Variants in ZCWPW2 observed in about 807,000 individuals in gnomAD.
ZCWPW2 encodes the protein zinc finger CW-type and PWWP domain containing 2.
Under a neutral mutation model 46.6 loss-of-function variants are expected in ZCWPW2, and 45 were observed. That is an observed-to-expected ratio of 0.96 (90% CI 0.76 to 1.24). ZCWPW2 has a LOEUF of 1.24. ZCWPW2 is among the 50% of genes most tolerant of loss of function. The probability of loss-of-function intolerance (pLI) is 0.00; values close to 1 mark genes in which losing one functional copy is unlikely to be tolerated. For synonymous variants in ZCWPW2, 152 were observed against 137.1 expected, an observed-to-expected ratio of 1.11 and a Z score of -0.76; for missense variants, 429 against 403.9, an observed-to-expected ratio of 1.06 and a Z score of -0.53.
intron 4 of ZCWPW2, among the ~76,000 whole-genome samples, chr3:28,472,934 A>G (rs966726591): frequency 8.5e-5 from 13 of 152,196 alleles, no homozygotes; most frequent in Admixed American, 1.3e-4. Flanking sequence ...TTGAATAGAC[A>G]TTTCTCAAAA....
chr3:28,371,123 C>T (rs1000114026), intron 1 of ZCWPW2, among the ~76,000 whole-genome samples: 2 of 151,972 alleles, frequency 1.3e-5, no homozygotes, highest in East Asian at 1.9e-4. Context: ...TTAAATTTAT[C>T]GTAGTATTGA....
chr3:28,454,399 T>G (rs1444676397), intron 4 of ZCWPW2, among the ~76,000 whole-genome samples: 2 of 152,212 alleles, frequency 1.3e-5, no homozygotes, highest in Non-Finnish European at 2.9e-5. Context: ...GATTTCCTCC[T>G]TTGTTATCTT....
intron 4 of ZCWPW2, among the ~76,000 whole-genome samples, chr3:28,467,787 A>G (rs1698882591): frequency 6.6e-6 from 1 of 152,230 alleles, no homozygotes; most frequent in South Asian, 2.1e-4. Flanking sequence ...TCACTAATGC[A>G]GATACAGCTT....
chr3:28,516,540 G>A (rs963847568), intron 8 of ZCWPW2, among the ~76,000 whole-genome samples: 1 of 152,092 alleles, frequency 6.6e-6, no homozygotes, highest in African/African-American at 2.4e-5. Context: ...CTTTAGTCTT[G>A]AAAAGCAGTG....
intron 4 of ZCWPW2, among the ~76,000 whole-genome samples, chr3:28,475,339 TA>T (rs1295006140): frequency 6.6e-6 from 1 of 152,222 alleles, no homozygotes; most frequent in Non-Finnish European, 1.5e-5. Flanking sequence ...TAACACTTTT[TA>T]CTACAGTAAC....
chr3:28,386,842 G>T (rs934438230), intron 1 of ZCWPW2, among the ~76,000 whole-genome samples: 1 of 151,992 alleles, frequency 6.6e-6, no homozygotes, highest in Non-Finnish European at 1.5e-5. Flanking sequence ...TTGTGATTGG[G>T]TGATCAACTG....
intron 4 of ZCWPW2, among the ~76,000 whole-genome samples, chr3:28,475,692 A>T (rs1699213378): frequency 6.6e-6 from 1 of 152,082 alleles, no homozygotes; most frequent in African/African-American, 2.4e-5. Context: ...TTTAATATAC[A>T]TGTACTCTCC....
At chr3:28,361,955 A>T (rs1327656695) in intron 1 of ZCWPW2, among the ~76,000 whole-genome samples, 1 of 152,130 alleles carries the variant, frequency 6.6e-6, no homozygotes, top group African/African-American at 2.4e-5. Context: ...GCTGTGGAAA[A>T]TGTTATAGAG....
rs1696395198 is a variant in ZCWPW2 at position 28,411,445 on chromosome 3, C to CTCTTTAAATTA, written c.-13-1611_-13-1610insTCTTTAAATTA. On this transcript the variant is annotated intron_variant, in intron 2 of 9. Coordinates refer to ENST00000383768, the MANE Select transcript of ZCWPW2 (RefSeq NM_001040432.4). ...CCGTACTCCCAACATAACAAACATT[C>CTCTTTAAATTA]GAAGCATTCTCTTTAAAATTAGAAA... Among the ~76,000 whole-genome samples the CTCTTTAAATTA allele has an allele frequency of 6.6e-5, 10 of 151,636 alleles. No individual in the cohort carries two copies. In the South Asian group the frequency reaches 2.1e-3, roughly 32 times the overall value.
intron 1 of ZCWPW2, among the ~76,000 whole-genome samples, chr3:28,355,704 C>T (rs1407731969): frequency 2.0e-5 from 3 of 152,230 alleles, no homozygotes; most frequent in Non-Finnish European, 4.4e-5. Flanking sequence ...CACACATCTA[C>T]AACCATCTGA....
chr3:28,402,442 A>G (rs2125729644), intron 2 of ZCWPW2, among the ~76,000 whole-genome samples: 1 of 152,176 alleles, frequency 6.6e-6, no homozygotes, highest in African/African-American at 2.4e-5. Context: ...TAAGTCCAGG[A>G]TGAGGCAGAT....
intron 7 of ZCWPW2, 100 bp from the exon 8 acceptor site, chr3:28,515,454 T>C (rs1047534689): frequency 2.4e-6 from 2 of 839,090 alleles, no homozygotes; most frequent in South Asian, 1.7e-5. Context: ...AGAAAATATA[T>C]GCATTTATAA....
intron 2 of ZCWPW2, among the ~76,000 whole-genome samples, chr3:28,400,530 C>A (rs1285445439): frequency 2.0e-5 from 3 of 152,142 alleles, no homozygotes; most frequent in African/African-American, 7.2e-5. Flanking sequence ...ATCTTAAGAG[C>A]TGTGAGACAA....
intron 2 of ZCWPW2, among the ~76,000 whole-genome samples, chr3:28,390,873 G>A (rs1695458696): frequency 6.6e-6 from 1 of 152,102 alleles, no homozygotes; most frequent in Non-Finnish European, 1.5e-5. Context: ...CATCATTTTG[G>A]GTTGGTTAGG....
At chr3:28,428,433 C>T (rs942930815) in intron 3 of ZCWPW2, 1 of 152,180 alleles carries the variant, frequency 6.6e-6, no homozygotes, top group Non-Finnish European at 1.5e-5. Context: ...AGCAACTGAA[C>T]ATCTACTTCA....
chr3:28,478,363 C>A, intron 4 of ZCWPW2: 1 of 267,426 alleles, frequency 3.7e-6, no homozygotes. Flanking sequence ...CCTACCTCAG[C>A]CTCCCAAGTA....
At position 28,497,220 on chromosome 3, in the gene ZCWPW2, G is replaced by C. The variant is rs528673793; in HGVS notation, c.657+5047G>C. Among the ~76,000 whole-genome samples, 9 of 150,548 alleles carry C rather than the reference G, an allele frequency of 6.0e-5. No homozygotes were observed. In the South Asian group the frequency reaches 1.7e-3, roughly 28 times the overall value. ...CATCCCTATGCCTGTTTTCTTACTTGTGAACCAGAGATAATATTTATATAT... is the reference window on the plus strand; with the variant it reads ...CATCCCTATGCCTGTTTTCTTACTTCTGAACCAGAGATAATATTTATATAT... On this transcript the variant is annotated intron_variant, in intron 6 of 9. Coordinates refer to ENST00000383768, the MANE Select transcript of ZCWPW2 (RefSeq NM_001040432.4).
chr3:28,441,317 C>T (rs1307865600), intron 4 of ZCWPW2, among the ~76,000 whole-genome samples: 1 of 152,194 alleles, frequency 6.6e-6, no homozygotes, highest in Non-Finnish European at 1.5e-5. Context: ...CATGCTTCTT[C>T]CAAGTCCCTG....
intron 3 of ZCWPW2, among the ~76,000 whole-genome samples, chr3:28,430,782 G>T (rs1697222792): frequency 6.6e-6 from 1 of 152,076 alleles, no homozygotes; most frequent in South Asian, 2.1e-4. Context: ...TTTATAAGGA[G>T]CTTTCCCCCC....
Sources: gnomAD v4.1 joint callset for allele counts (sites outside exome capture counted in the v4.1 genomes callset) on GRCh38, gnomAD v4.1.1 for gene constraint, MANE v1.5 for transcripts, NCBI Gene and HGNC (gene_info 2026-07-23, HGNC 2026-07-21) for gene names.